Variants in MDFIC observed in about 807,000 individuals in gnomAD.
MDFIC encodes MyoD family inhibitor domain containing.
A neutral mutation model predicts 23.2 loss-of-function variants in MDFIC; 17 were observed. The ratio of observed to expected loss-of-function variants is 0.73; its 90% CI spans 0.50 to 1.10. MDFIC has a LOEUF of 1.10. Ranked by LOEUF, MDFIC falls within the 50% of genes least tolerant of loss-of-function variation. The probability of loss-of-function intolerance (pLI) is 0.00; values close to 1 mark genes in which losing one functional copy is unlikely to be tolerated. For missense variants in MDFIC, 356 were observed against 316.6 expected, an observed-to-expected ratio of 1.12 and a Z score of -0.95; for synonymous variants, 120 against 115.2, an observed-to-expected ratio of 1.04 and a Z score of -0.27.
At chr7:114,941,929 C>T (rs1726555438) in intron 2 of MDFIC, among the ~76,000 whole-genome samples, 1 of 152,184 alleles carries the variant, frequency 6.6e-6, no homozygotes, top group Non-Finnish European at 1.5e-5. Context: ...CCCTGCTGCT[C>T]AACCCCCTAC....
At position 115,018,063 on chromosome 7, in the gene MDFIC, T is replaced by C. The variant is rs1237481214; in HGVS notation, c.*2128T>C. The C allele has an allele frequency of 6.6e-6, 1 of 152,022 alleles. No individual in the cohort carries two copies. The highest frequency in any genetic ancestry group is 2.4e-5 in the African/African-American group (1 of 41,452). 9.4% of individuals were successfully genotyped at this position (152,022 alleles called of 1,614,324 possible). A position where few individuals can be genotyped will look rare whatever the true frequency, so the allele number is the denominator to read the frequency against. ...CACATACATACACACATACAAAACC[T>C]TTAAATTTTGGGATCTGAATATAAT... On this transcript the variant is annotated 3_prime_UTR_variant, in exon 5 of 5. Transcript: ENST00000393486.
chr7:115,012,957 T>C (rs1312444932), intron 4 of MDFIC, among the ~76,000 whole-genome samples: 1 of 152,020 alleles, frequency 6.6e-6, no homozygotes. Flanking sequence ...CCAGCCTGGG[T>C]GACAGAGTAA....
At chr7:114,964,891 G>A (rs973134415) in intron 3 of MDFIC, among the ~76,000 whole-genome samples, 3 of 152,170 alleles carry the variant, frequency 2.0e-5, no homozygotes, top group Non-Finnish European at 4.4e-5. Flanking sequence ...CTCAGTGCTG[G>A]ATCAGAAGAA....
intron 4 of MDFIC, chr7:115,013,915 T>C (rs1791737102): frequency 1.2e-6 from 1 of 855,090 alleles, no homozygotes; most frequent in African/African-American, 1.8e-5. Context: ...CAGAAATCAA[T>C]ATTAGGGGAA....
At chr7:114,954,373 A>G (rs1010373356) in intron 3 of MDFIC, among the ~76,000 whole-genome samples, 3 of 152,230 alleles carry the variant, frequency 2.0e-5, no homozygotes, top group Non-Finnish European at 2.9e-5. Flanking sequence ...ATCTCCCTAA[A>G]TTCCATAATC....
rs77262362 is a variant in MDFIC at position 114,955,392 on chromosome 7, G to A, written c.217+12995G>A. On this transcript the variant is annotated intron_variant, in intron 3 of 4. Transcript: ENST00000393486. ...TGTTACCCATCTCTCCACGTCTCCC[G>A]CCCAACAAGCAAGGCTCGTGTGATT... 5.1e-4 allele frequency among the ~76,000 whole-genome samples: 78 copies of A among 152,066 alleles called. 1 individual carries two copies. In the East Asian group the frequency reaches 0.012, roughly 24 times the overall value.
chr7:114,982,078 A>G (rs1793426921), intron 4 of MDFIC, among the ~76,000 whole-genome samples: 1 of 152,224 alleles, frequency 6.6e-6, no homozygotes, highest in Admixed American at 6.5e-5. Context: ...TTCGGTTCCA[A>G]GATTCTGTGA....
chr7:115,014,061 C>G, intron 4 of MDFIC: 1 of 985,290 alleles, frequency 1.0e-6, no homozygotes, highest in Non-Finnish European at 1.2e-6. Flanking sequence ...ACAAACACAA[C>G]TCTGGAATTT....
intron 3 of MDFIC, among the ~76,000 whole-genome samples, chr7:114,964,504 C>G (rs1446598886): frequency 6.7e-6 from 1 of 148,380 alleles, no homozygotes; most frequent in South Asian, 2.2e-4. Context: ...CCCTTCCCTT[C>G]CCTTCCCTTT....
chr7:114,975,960 A>C (rs1031716943), intron 3 of MDFIC, among the ~76,000 whole-genome samples: 2 of 152,130 alleles, frequency 1.3e-5, no homozygotes, highest in African/African-American at 4.8e-5. Flanking sequence ...AACAAAAATA[A>C]TGTACTATTA....
chr7:115,010,072 C>A (rs1353598010), intron 4 of MDFIC, among the ~76,000 whole-genome samples: 3 of 124,368 alleles, frequency 2.4e-5, no homozygotes, highest in Non-Finnish European at 5.1e-5. Context: ...ATCTTAAGAA[C>A]AGGGGAAAAA....
intron 2 of MDFIC, among the ~76,000 whole-genome samples, chr7:114,929,406 C>T (rs1792265342): frequency 6.6e-6 from 1 of 152,156 alleles, no homozygotes. Context: ...TGCCCAGCTT[C>T]CATTCCTTTT....
chr7:114,953,654 A>T (rs1053851895), intron 3 of MDFIC, among the ~76,000 whole-genome samples: 1 of 152,288 alleles, frequency 6.6e-6, no homozygotes, highest in African/African-American at 2.4e-5. Flanking sequence ...TAGCTATGTG[A>T]TCTCTACTAC....
intron 3 of MDFIC, 92 bp downstream of exon 3, chr7:114,942,489 A>G: frequency 2.0e-6 from 2 of 1,013,906 alleles, no homozygotes; most frequent in Non-Finnish European, 2.7e-6. Context: ...TCTGCTACAA[A>G]TCCGTAAATC....
At chr7:114,964,459 C>A (rs1793054261) in intron 3 of MDFIC, among the ~76,000 whole-genome samples, 1 of 151,824 alleles carries the variant, frequency 6.6e-6, no homozygotes, top group African/African-American at 2.4e-5. Flanking sequence ...ATTATTGTTT[C>A]TTTCTATTCT....
Position 114,941,151 on chromosome 7 carries a change from G to GA in MDFIC, c.95-1115dup, listed in dbSNP as rs975231163. 1.7e-3 allele frequency among the ~76,000 whole-genome samples: 255 copies of GA among 150,772 alleles called. 1 individual carries two copies. Among genetic ancestry groups the GA allele is most frequent in the African/African-American group, 5.7e-3 (235 of 41,148 alleles). On this transcript the variant is annotated intron_variant, in intron 2 of 4. Transcript: ENST00000393486. ...TTTTTAGTTCTAAAAATACTTACAAGAAAAAAAAAGCTCACCAAGTGAATT... is the reference window on the plus strand; with the variant it reads ...TTTTTAGTTCTAAAAATACTTACAAGAAAAAAAAAAGCTCACCAAGTGAATT...
chr7:115,004,977 A>G (rs1170608311), intron 4 of MDFIC, among the ~76,000 whole-genome samples: 1 of 152,244 alleles, frequency 6.6e-6, no homozygotes, highest in Non-Finnish European at 1.5e-5. Context: ...CTTACAGTCA[A>G]CTTATATTCC....
At chr7:114,995,322 C>T (rs980989405) in intron 4 of MDFIC, among the ~76,000 whole-genome samples, 3 of 151,978 alleles carry the variant, frequency 2.0e-5, no homozygotes, top group African/African-American at 4.8e-5. Flanking sequence ...GAAGTTTGGT[C>T]GTCTGAAGCC....
At chr7:114,933,808 A>T (rs1563135856) in intron 2 of MDFIC, 1 of 152,236 alleles carries the variant, frequency 6.6e-6, no homozygotes, top group Non-Finnish European at 1.5e-5. Flanking sequence ...TGTCACATGG[A>T]GAGAAGATTA....
Sources: allele counts gnomAD v4.1 joint callset (sites outside exome capture counted in the v4.1 genomes callset), GRCh38; gene constraint gnomAD v4.1.1; transcripts MANE v1.5; gene names NCBI Gene and HGNC (gene_info 2026-07-23, HGNC 2026-07-21).